Variants in ZNF280D observed in about 807,000 individuals in gnomAD.
ZNF280D encodes the protein zinc finger protein 280D.
In ZNF280D, 39 loss-of-function variants were observed where a neutral mutation model predicts 94.7. The observed-to-expected ratio is 0.41, with a 90% CI of 0.32 to 0.54. The LOEUF (loss-of-function observed/expected upper bound fraction) is 0.54, where lower values mean the gene tolerates loss of function less well. Ranked by LOEUF, ZNF280D falls within the 20% of genes least tolerant of loss-of-function variation. The probability of loss-of-function intolerance (pLI) is 0.22; values close to 1 mark genes in which losing one functional copy is unlikely to be tolerated. For missense variants in ZNF280D, 1,090 were observed against 1,149.3 expected (o/e 0.95, Z 0.75); for synonymous variants, 398 against 377.6 (o/e 1.05, Z -0.63).
At chr15:56,637,765 G>A (rs1401711415) in intron 20 of ZNF280D, among the ~76,000 whole-genome samples, 1 of 151,862 alleles carries the variant, frequency 6.6e-6, no homozygotes, top group Admixed American at 6.6e-5. Context: ...AATCAAGGCA[G>A]TAGCAACCTG....
intron 9 of ZNF280D, among the ~76,000 whole-genome samples, chr15:56,687,542 A>C (rs1295729651): frequency 6.6e-6 from 1 of 152,218 alleles, no homozygotes; most frequent in Non-Finnish European, 1.5e-5. Context: ...ACTAGGAACC[A>C]GGTAAAAAAA....
At chr15:56,676,963 G>A in intron 12 of ZNF280D, 147 bp from the exon 13 acceptor site, 1 of 600,402 alleles carries the variant, frequency 1.7e-6, no homozygotes. Context: ...TCTCACTAAG[G>A]CAACACCAAA....
At chr15:56,672,726 T>C (rs1182714874) in intron 13 of ZNF280D, among the ~76,000 whole-genome samples, 3 of 152,032 alleles carry the variant, frequency 2.0e-5, no homozygotes, top group African/African-American at 7.2e-5. Context: ...AAGTAATATA[T>C]AAGGAAGTAC....
intron 20 of ZNF280D, among the ~76,000 whole-genome samples, chr15:56,639,535 C>T (rs1439109336): frequency 1.3e-5 from 2 of 152,028 alleles, no homozygotes; most frequent in Non-Finnish European, 2.9e-5. Flanking sequence ...CAGAGATAAT[C>T]ACTAAAGTTT....
chr15:56,695,589 G>C (rs1458579373), intron 6 of ZNF280D, among the ~76,000 whole-genome samples: 26 of 146,372 alleles, frequency 1.8e-4, no homozygotes, highest in Admixed American at 1.2e-3. Flanking sequence ...GAGTGCAGTG[G>C]TGTGATCTTG....
At chr15:56,672,555 T>G (rs2054940821) in intron 13 of ZNF280D, among the ~76,000 whole-genome samples, 1 of 152,120 alleles carries the variant, frequency 6.6e-6, no homozygotes, top group Admixed American at 6.6e-5. Context: ...ATAAACTTTT[T>G]GATGTGCTGC....
At chr15:56,655,303 G>A (rs1243780730) in intron 17 of ZNF280D, among the ~76,000 whole-genome samples, 1 of 152,182 alleles carries the variant, frequency 6.6e-6, no homozygotes, top group African/African-American at 2.4e-5. Flanking sequence ...CACCTCCTGG[G>A]TTCAAGCGAT....
intron 19 of ZNF280D, chr15:56,653,229 A>C: frequency 8.9e-7 from 1 of 1,126,062 alleles, no homozygotes; most frequent in East Asian, 4.6e-5. Flanking sequence ...GAAAGATTTA[A>C]AGGCAGCAGC....
chr15:56,654,898 T>C, intron 17 of ZNF280D: 2 of 451,888 alleles, frequency 4.4e-6, no homozygotes, highest in Non-Finnish European at 8.9e-6. Flanking sequence ...GCTATTTTTA[T>C]ATATACTGTA....
intron 16 of ZNF280D, among the ~76,000 whole-genome samples, chr15:56,659,444 C>T (rs2053770553): frequency 6.6e-6 from 1 of 151,910 alleles, no homozygotes; most frequent in Admixed American, 6.6e-5. Flanking sequence ...AGCACAATAA[C>T]ATATTTTAAG....
intron 21 of ZNF280D, among the ~76,000 whole-genome samples, chr15:56,632,777 C>T (rs1262219220): frequency 6.6e-6 from 1 of 151,984 alleles, no homozygotes; most frequent in African/African-American, 2.4e-5. Flanking sequence ...GTATGAGCCA[C>T]CATGCCCAGT....
intron 1 of ZNF280D, among the ~76,000 whole-genome samples, chr15:56,715,203 C>A (rs749312869): frequency 1.3e-5 from 2 of 152,034 alleles, no homozygotes; most frequent in African/African-American, 2.4e-5. Context: ...TCACATTAGC[C>A]AGGGGTTAGG....
chr15:56,709,831 G>T (rs1596609093), intron 1 of ZNF280D, among the ~76,000 whole-genome samples: 1 of 152,200 alleles, frequency 6.6e-6, no homozygotes, highest in East Asian at 1.9e-4. Flanking sequence ...ACACAGGAAG[G>T]GGAACATCAC....
At chr15:56,683,522 T>C (rs1317862340) in intron 9 of ZNF280D, among the ~76,000 whole-genome samples, 1 of 152,198 alleles carries the variant, frequency 6.6e-6, no homozygotes, top group African/African-American at 2.4e-5. Context: ...TTAAAGATTC[T>C]GCAAATATTA....
chr15:56,700,614 T>A (rs781497454), intron 6 of ZNF280D: 25 of 1,230,062 alleles, frequency 2.0e-5, no homozygotes, highest in Non-Finnish European at 2.3e-5. Context: ...CCTGGTCCCG[T>A]CTGCAATCTT....
intron 19 of ZNF280D, among the ~76,000 whole-genome samples, chr15:56,649,608 TG>T (rs1363383456): frequency 4.0e-5 from 6 of 151,850 alleles, no homozygotes; most frequent in African/African-American, 7.3e-5. Flanking sequence ...TAGATCAGTT[TG>T]TTTTTTTTTT....
At chr15:56,659,083 G>A (rs2053737227) in intron 16 of ZNF280D, among the ~76,000 whole-genome samples, 1 of 150,348 alleles carries the variant, frequency 6.7e-6, no homozygotes, top group Non-Finnish European at 1.5e-5. Context: ...CAAACTCCTG[G>A]GCTCAAGTGA....
intron 20 of ZNF280D, among the ~76,000 whole-genome samples, chr15:56,640,258 A>C (rs190063167): frequency 2.0e-5 from 3 of 152,004 alleles, no homozygotes; most frequent in Non-Finnish European, 4.4e-5. Context: ...GAATGCCCCT[A>C]TAAGTTTTGC....
rs1596702091 is a variant in ZNF280D, at chr15:56,725,775, G to T, written c.-86+7683C>A. ...TGTAAGTTACATACCAATCCAAAAAGTAAAGCAATAATTTTAAACTGTTGG... is the reference window on the plus strand; with the variant it reads ...TGTAAGTTACATACCAATCCAAAAATTAAAGCAATAATTTTAAACTGTTGG... On this transcript the variant is annotated intron_variant, in intron 1 of 21. Transcript: ENST00000267807. 3.3e-5 allele frequency among the ~76,000 whole-genome samples: 5 copies of T among 151,522 alleles called. No individual in the cohort carries two copies. In the South Asian group the frequency reaches 1.0e-3, roughly 32 times the overall value.
Sources: allele counts gnomAD v4.1 joint callset (sites outside exome capture counted in the v4.1 genomes callset), GRCh38; gene constraint gnomAD v4.1.1; transcripts MANE v1.5; gene names NCBI Gene and HGNC (gene_info 2026-07-23, HGNC 2026-07-21).